Variants in MACF1 observed in about 807,000 individuals in gnomAD.
MACF1 encodes microtubule-actin cross-linking factor 1.
In MACF1, 193 loss-of-function variants were observed where a neutral mutation model predicts 854.8. The ratio of observed to expected loss-of-function variants is 0.23; its 90% CI spans 0.20 to 0.25. The LOEUF (loss-of-function observed/expected upper bound fraction) is 0.25, where lower values mean the gene tolerates loss of function less well. Ranked by LOEUF, MACF1 falls within the 10% of genes least tolerant of loss-of-function variation. The pLI is 1.00. For synonymous variants in MACF1, 3,185 were observed against 3,226.7 expected (o/e 0.99, Z 0.44); for missense variants, 7,722 against 8,929.1 (o/e 0.86, Z 5.45).
At chr1:39,395,951 T>C (rs1198443135) in intron 58 of MACF1, among the ~76,000 whole-genome samples, 2 of 152,072 alleles carry the variant, frequency 1.3e-5, no homozygotes, top group Admixed American at 1.3e-4. Context: ...CCAGTGAAGG[T>C]AGTAAAATTG....
intron 2 of MACF1, among the ~76,000 whole-genome samples, chr1:39,091,153 C>G (rs1488245236): frequency 1.3e-5 from 2 of 152,182 alleles, no homozygotes. Context: ...CCCACCCCTA[C>G]CCCAGAAGAT....
intron 2 of MACF1, among the ~76,000 whole-genome samples, chr1:39,139,495 G>T (rs1553145780): frequency 6.6e-5 from 10 of 151,774 alleles, no homozygotes; most frequent in Non-Finnish European, 1.5e-5. Context: ...GACCTCAAGT[G>T]ATCCTCCCAT....
chr1:39,091,405 A>G (rs1453605934), intron 2 of MACF1, among the ~76,000 whole-genome samples: 2 of 152,150 alleles, frequency 1.3e-5, no homozygotes, highest in Non-Finnish European at 2.9e-5. Context: ...AAAATGGGGG[A>G]GCAAGAGCAC....
At chr1:39,428,364 T>A (rs1643791569) in intron 63 of MACF1, 77 bp downstream of exon 63, 4 of 1,377,120 alleles carry the variant, frequency 2.9e-6, no homozygotes, top group Non-Finnish European at 2.9e-6. Context: ...CTTCATTTAT[T>A]TTTTTTTCTT....
At chr1:39,202,219 G>A (rs1293275991), upstream of MACF1, among the ~76,000 whole-genome samples, 24 of 149,912 alleles carry the variant, frequency 1.6e-4, no homozygotes, top group Admixed American at 6.0e-4. Flanking sequence ...ACCCGCCTCC[G>A]CCTCCCAAAG....
rs563275819 is a variant in MACF1, at chr1:39,134,582, T to C, written c.220+50144T>C. ...CTGGCTCTGTGGTCTTAAACAGTCA[T>C]GTAACCCCTTTCAACTGTGTGCTTT... On this transcript the variant is annotated intron_variant, in intron 2 of 93. Transcript: ENST00000361689. 2.2e-4 allele frequency among the ~76,000 whole-genome samples: 34 copies of C among 152,316 alleles called. 1 individual carries two copies. Among genetic ancestry groups the C allele is most frequent in the African/African-American group, 8.2e-4 (34 of 41,578 alleles).
intron 89 of MACF1, among the ~76,000 whole-genome samples, chr1:39,456,153 G>A (rs1644434477): frequency 6.6e-6 from 1 of 152,184 alleles, no homozygotes. Flanking sequence ...AGCCAACATG[G>A]TGAAACCCTA....
At chr1:39,349,279 A>G (rs192937123) in intron 41 of MACF1, among the ~76,000 whole-genome samples, 199 bp from the exon 42 acceptor site, 1 of 152,284 alleles carries the variant, frequency 6.6e-6, no homozygotes, top group East Asian at 1.9e-4. Flanking sequence ...TGATTATCCA[A>G]TCCATAGACC....
chr1:39,479,861 G>A lies in MACF1; in HGVS notation c.22022G>A (p.Gly7341Glu). 6.2e-7 allele frequency: 1 copy of A among 1,614,234 alleles called. No individual in the cohort carries two copies. The highest frequency in any genetic ancestry group is 8.5e-7 in the Non-Finnish European group (1 of 1,180,036). The change falls in exon 98 of 101, where the codon GGA becomes GAA. Residue 7341 changes from glycine to glutamate, a missense_variant. Physicochemically the swap from Gly to Glu is moderately conservative, Grantham distance 98. This residue lies in a region of MACF1 where 153 missense variants were observed against 342.5 expected (regional missense o/e 0.45). Transcript: ENST00000564288. The stretch of plus-strand genomic sequence containing the variant: ...ATCCTACCAGAGGGAGCATCCCAGG[G>A]AATGACCCCCTTCCGCTCACGGGGT... Reference protein sequence around the residue: ...KFILPEGASQGMTPFRSRGRR... With the variant: ...KFILPEGASQEMTPFRSRGRR...
At chr1:39,430,113 T>C (rs778545199) in intron 65 of MACF1, 45 bp downstream of exon 65, 1 of 1,575,006 alleles carries the variant, frequency 6.3e-7, no homozygotes, top group Non-Finnish European at 8.6e-7. Flanking sequence ...GCTTCCTCTT[T>C]GTCAGAATCC....
chr1:39,345,785 A>G (rs1647031994), intron 40 of MACF1, among the ~76,000 whole-genome samples: 1 of 152,130 alleles, frequency 6.6e-6, no homozygotes, highest in Admixed American at 6.6e-5. Flanking sequence ...TAAAAGATTG[A>G]TGGCCGGGCG....
intron 2 of MACF1, among the ~76,000 whole-genome samples, chr1:39,176,685 T>G (rs1644033807): frequency 6.6e-6 from 1 of 151,954 alleles, no homozygotes; most frequent in Non-Finnish European, 1.5e-5. Context: ...GGTTTTTAGA[T>G]CAATAGGTTT....
At chr1:39,304,585 ACAGAGCCTTGCTCT>A in intron 23 of MACF1, 2 of 749,184 alleles carry the variant, frequency 2.7e-6, no homozygotes, top group Non-Finnish European at 4.3e-6. Context: ...TTTTCTTGAG[ACAGAGCCTTGCTCT>A]GTCGCTCAGG....
At chr1:39,102,523 G>C (rs910815206) in intron 2 of MACF1, among the ~76,000 whole-genome samples, 1 of 152,070 alleles carries the variant, frequency 6.6e-6, no homozygotes, top group Non-Finnish European at 1.5e-5. Flanking sequence ...GTGATGAAGG[G>C]TTATAATCTG....
At chr1:39,306,748 C>T (rs1413209351) in intron 23 of MACF1, among the ~76,000 whole-genome samples, 2 of 151,608 alleles carry the variant, frequency 1.3e-5, no homozygotes, top group Non-Finnish European at 2.9e-5. Flanking sequence ...GTGGATTACA[C>T]TCTCCAATGC....
chr1:39,194,742 A>C (rs138538800), intron 2 of MACF1, among the ~76,000 whole-genome samples: 101 of 121,200 alleles, frequency 8.3e-4, no homozygotes, highest in African/African-American at 3.1e-3. Context: ...TCTAGGCTGG[A>C]GTGCAGTGGT....
intron 94 of MACF1, chr1:39,463,989 A>G (rs890791011): frequency 4.2e-5 from 11 of 263,230 alleles, no homozygotes; most frequent in Non-Finnish European, 6.1e-5. Flanking sequence ...AATTATATCT[A>G]TTGACTGACC....
Position 39,119,953 on chromosome 1 carries a change from G to A in MACF1, c.220+35515G>A, listed in dbSNP as rs375976667. ...TAAAGAAGTGCAATGGCATGATCTCGGCTCACCGCAACCTCTGCCTCCCAG... is the reference window on the plus strand; with the variant it reads ...TAAAGAAGTGCAATGGCATGATCTCAGCTCACCGCAACCTCTGCCTCCCAG... On this transcript the variant is annotated intron_variant, in intron 2 of 93. Transcript: ENST00000361689. Among the ~76,000 whole-genome samples, 47 of 139,238 alleles carry A rather than the reference G, an allele frequency of 3.4e-4. No individual in the cohort carries two copies. The East Asian group carries it at 4.2e-3, about 13-fold the overall frequency. 91.3% of individuals were successfully genotyped at this position (139,238 alleles called of 152,430 possible).
In MACF1 at chr1:39,182,360, A is replaced by T. The variant is rs1353557164; in HGVS notation, c.221-48822A>T. ...CAAAAAAGAAAAAAATAGAGAAATT[A>T]TACTTGATCAAAATGTAAAACCTTT... On this transcript the variant is annotated intron_variant, in intron 2 of 93. Transcript: ENST00000361689. Among the ~76,000 whole-genome samples, 3 of 151,896 alleles carry T rather than the reference A, an allele frequency of 2.0e-5. No individual in the cohort carries two copies. In the East Asian group the frequency reaches 5.8e-4, roughly 29 times the overall value.
Sources: gnomAD v4.1 joint callset for allele counts (sites outside exome capture counted in the v4.1 genomes callset) on GRCh38, gnomAD v4.1.1 for gene constraint, gnomAD v4.1.1 regional missense constraint, MANE v1.5 for transcripts, NCBI Gene and HGNC (gene_info 2026-07-23, HGNC 2026-07-21) for gene names.